RXFP1: variants seen among roughly 807,000 people sequenced by gnomAD.
The protein encoded by RXFP1 is relaxin family peptide receptor 1, also known as relaxin receptor 1.
In RXFP1, 73 loss-of-function variants were observed where a neutral mutation model predicts 89.8. The ratio of observed to expected loss-of-function variants is 0.81; its 90% CI spans 0.67 to 0.99. RXFP1 has a LOEUF of 0.99. Ranked by LOEUF, RXFP1 falls within the 50% of genes least tolerant of loss-of-function variation. The pLI, the probability that RXFP1 is intolerant of heterozygous loss-of-function variation, is 0.00. For synonymous variants in RXFP1, 277 were observed against 305.5 expected, an observed-to-expected ratio of 0.91 and a Z score of 0.97; for missense variants, 793 against 895.5, an observed-to-expected ratio of 0.89 and a Z score of 1.46.
chr4:158,645,276 T>A, intron 15 of RXFP1, 138 bp downstream of exon 15: 2 of 638,476 alleles, frequency 3.1e-6, no homozygotes, highest in Non-Finnish European at 5.4e-6. Flanking sequence ...GTTTTCACAT[T>A]TTCTACAAAG....
intron 2 of RXFP1, among the ~76,000 whole-genome samples, chr4:158,591,160 A>G (rs1759382248): frequency 6.6e-6 from 1 of 152,200 alleles, no homozygotes; most frequent in African/African-American, 2.4e-5. Context: ...CATATATTTA[A>G]GTTACCAACT....
At chr4:158,547,200 T>G (rs1050737399) in intron 1 of RXFP1, among the ~76,000 whole-genome samples, 1 of 152,196 alleles carries the variant, frequency 6.6e-6, no homozygotes, top group Non-Finnish European at 1.5e-5. Flanking sequence ...TTTGAGGAAT[T>G]TATCCATTTC....
intron 2 of RXFP1, among the ~76,000 whole-genome samples, chr4:158,589,582 T>G (rs1437877100): frequency 6.6e-6 from 1 of 152,166 alleles, no homozygotes; most frequent in African/African-American, 2.4e-5. Context: ...GTAACTCATG[T>G]GTCTTCAAAC....
intron 1 of RXFP1, among the ~76,000 whole-genome samples, chr4:158,570,494 G>T (rs1174338687): frequency 6.6e-6 from 1 of 152,104 alleles, no homozygotes; most frequent in Non-Finnish European, 1.5e-5. Flanking sequence ...CATGCTTCCA[G>T]CTGGTCAAGC....
chr4:158,607,930 C>G (rs200660390), intron 5 of RXFP1, 42 bp from the exon 6 acceptor site: 997 of 1,356,608 alleles, frequency 7.3e-4, no homozygotes, highest in Non-Finnish European at 8.9e-4. Flanking sequence ...AAAAGTGAAA[C>G]TCTGCTTCAT....
intron 1 of RXFP1, chr4:158,544,157 T>C (rs867039388): frequency 2.0e-6 from 2 of 983,476 alleles, no homozygotes; most frequent in African/African-American, 3.5e-5. Flanking sequence ...AGAACCACTG[T>C]CTTCATTGGA....
At chr4:158,545,689 C>G (rs1748144373) in intron 1 of RXFP1, among the ~76,000 whole-genome samples, 1 of 152,174 alleles carries the variant, frequency 6.6e-6, no homozygotes, top group Non-Finnish European at 1.5e-5. Flanking sequence ...TTTCCCAGCA[C>G]CATTTGTTAA....
intron 1 of RXFP1, among the ~76,000 whole-genome samples, chr4:158,551,662 T>G (rs1018183662): frequency 6.6e-6 from 1 of 152,206 alleles, no homozygotes; most frequent in African/African-American, 2.4e-5. Context: ...AAATATAGGC[T>G]GGGCACTGTG....
intron 4 of RXFP1, among the ~76,000 whole-genome samples, chr4:158,602,214 A>C (rs1027804594): frequency 6.6e-6 from 1 of 152,254 alleles, no homozygotes; most frequent in Non-Finnish European, 1.5e-5. Flanking sequence ...ATTTGTCAAA[A>C]TATTTTATGT....
At chr4:158,627,706 T>A (rs1767188503) in intron 10 of RXFP1, among the ~76,000 whole-genome samples, 1 of 152,142 alleles carries the variant, frequency 6.6e-6, no homozygotes, top group Non-Finnish European at 1.5e-5. Flanking sequence ...CCCATTCCAA[T>A]GGGTTCCAAT....
At chr4:158,626,205 T>C (rs532323221) in intron 9 of RXFP1, among the ~76,000 whole-genome samples, 1 of 151,762 alleles carries the variant, frequency 6.6e-6, no homozygotes, top group South Asian at 2.1e-4. Context: ...TGCAGCTCTC[T>C]GAATTGGAGA....
intron 11 of RXFP1, among the ~76,000 whole-genome samples, chr4:158,631,489 A>G (rs1420462068): frequency 6.6e-6 from 1 of 152,232 alleles, no homozygotes; most frequent in African/African-American, 2.4e-5. Context: ...GCACATATGT[A>G]CAGAAACAGT....
At chr4:158,627,234 C>T (rs1561160932) in intron 10 of RXFP1, among the ~76,000 whole-genome samples, 1 of 151,948 alleles carries the variant, frequency 6.6e-6, no homozygotes, top group Non-Finnish European at 1.5e-5. Flanking sequence ...GCATCTCTGG[C>T]CTATTTTAAA....
At chr4:158,634,781 A>G (rs1012788185) in intron 12 of RXFP1, among the ~76,000 whole-genome samples, 6 of 152,196 alleles carry the variant, frequency 3.9e-5, no homozygotes, top group Non-Finnish European at 7.4e-5. Flanking sequence ...AATTTATTGA[A>G]AAGACTACTC....
chr4:158,613,470 C>A (rs1407217581), intron 8 of RXFP1, among the ~76,000 whole-genome samples: 2 of 152,184 alleles, frequency 1.3e-5, no homozygotes, highest in African/African-American at 4.8e-5. Context: ...ATTCTAAATA[C>A]TTTGTTGTCA....
intron 2 of RXFP1, among the ~76,000 whole-genome samples, chr4:158,578,643 A>G (rs1207820615): frequency 6.6e-6 from 1 of 152,190 alleles, no homozygotes; most frequent in Non-Finnish European, 1.5e-5. Flanking sequence ...TCTGTGTTAT[A>G]AACAGAAGGC....
intron 1 of RXFP1, among the ~76,000 whole-genome samples, chr4:158,546,541 G>T (rs1387897502): frequency 1.3e-5 from 2 of 152,166 alleles, no homozygotes; most frequent in African/African-American, 4.8e-5. Context: ...TTTTCAAAGG[G>T]AATGCTTCCA....
intron 3 of RXFP1, among the ~76,000 whole-genome samples, chr4:158,595,287 A>C (rs1760320848): frequency 1.3e-5 from 2 of 152,252 alleles, no homozygotes; most frequent in South Asian, 4.1e-4. Flanking sequence ...GTCATGAATG[A>C]GCAATCAATG....
chr4:158,578,769 G>T (rs1756754090), intron 2 of RXFP1, among the ~76,000 whole-genome samples: 1 of 151,846 alleles, frequency 6.6e-6, no homozygotes, highest in Admixed American at 6.6e-5. Context: ...CTGTACTCTT[G>T]TTCTTTAGCA....
Sources: gnomAD v4.1 joint callset for allele counts (sites outside exome capture counted in the v4.1 genomes callset) on GRCh38, gnomAD v4.1.1 for gene constraint, MANE v1.5 for transcripts, NCBI Gene and HGNC (gene_info 2026-07-23, HGNC 2026-07-21) for gene names.